The following DCDC1 variants were observed in gnomAD, a reference collection of about 807,000 sequenced individuals.
DCDC1 encodes the protein doublecortin domain-containing protein 1.
DCDC1 carries 200 observed loss-of-function variants against 178.3 expected under a neutral mutation model. The observed-to-expected ratio is 1.12, with a 90% CI of 1.00 to 1.26. The LOEUF is 1.26. Among genes scored for constraint, DCDC1 ranks in the 50% most tolerant of loss-of-function variants. The pLI, the probability that DCDC1 is intolerant of heterozygous loss-of-function variation, is 0.00. For synonymous variants in DCDC1, 690 were observed against 604.8 expected (o/e 1.14, Z -2.07); for missense variants, 1,983 against 1,749.2 (o/e 1.13, Z -2.38).
intron 13 of DCDC1, among the ~76,000 whole-genome samples, chr11:31,105,264 G>A (rs568678674): frequency 2.2e-4 from 34 of 151,850 alleles, no homozygotes; most frequent in African/African-American, 7.0e-4. Context: ...AAATTTCTCC[G>A]ACTACAATTC....
At chr11:31,281,096 C>T (rs536566243) in intron 7 of DCDC1, 62 of 390,106 alleles carry the variant, frequency 1.6e-4, no homozygotes, top group African/African-American at 1.1e-3. Context: ...ATTTCACTGA[C>T]CTTGTATCCT....
chr11:31,165,291 A>G (rs1007925846), intron 9 of DCDC1, among the ~76,000 whole-genome samples: 1 of 152,106 alleles, frequency 6.6e-6, no homozygotes, highest in South Asian at 2.1e-4. Context: ...CATTTCTCAT[A>G]TTATACATGA....
intron 9 of DCDC1, among the ~76,000 whole-genome samples, chr11:31,138,644 C>A (rs558161740): frequency 1.3e-5 from 2 of 152,222 alleles, no homozygotes; most frequent in South Asian, 4.1e-4. Context: ...GAATAACGAC[C>A]ATGTTTTTAC....
intron 1 of DCDC1, among the ~76,000 whole-genome samples, chr11:31,363,379 G>A (rs1257656710): frequency 3.9e-5 from 6 of 151,954 alleles, no homozygotes; most frequent in Admixed American, 3.9e-4. Flanking sequence ...TTATATTTTA[G>A]AAAAATATGC....
chr11:31,232,458 T>A (rs933718930), intron 9 of DCDC1, among the ~76,000 whole-genome samples: 1 of 152,142 alleles, frequency 6.6e-6, no homozygotes, highest in African/African-American at 2.4e-5. Flanking sequence ...AACGCCAATT[T>A]TTTCTTTAAT....
rs572674579 is a variant in DCDC1 at position 31,219,358 on chromosome 11, T to C, written c.1221+22092A>G. On this transcript the variant is annotated intron_variant, in intron 9 of 38. Coordinates refer to ENST00000684477, the MANE Select transcript of DCDC1 (RefSeq NM_001387274.1). The stretch of plus-strand genomic sequence containing the variant: ...CACTCTCACAATACTTCAACCTAGC[T>C]TGAGTATCAGAATCAACTCTAGAGC... Among the ~76,000 whole-genome samples, 8 of 152,234 alleles carry C rather than the reference T, an allele frequency of 5.3e-5. No homozygotes were observed. The South Asian group carries it at 1.7e-3, about 32-fold the overall frequency.
At chr11:30,912,390 T>C (rs1415370945) in intron 27 of DCDC1, among the ~76,000 whole-genome samples, 1 of 152,178 alleles carries the variant, frequency 6.6e-6, no homozygotes, top group Non-Finnish European at 1.5e-5. Flanking sequence ...TTCAAACGAT[T>C]CTTCTGCCTC....
chr11:31,308,049 T>C, intron 3 of DCDC1, 141 bp from the exon 4 acceptor site: 1 of 1,095,522 alleles, frequency 9.1e-7, no homozygotes, highest in Non-Finnish European at 1.3e-6. Flanking sequence ...ATGCCTACAA[T>C]ATTCCTGGGA....
In DCDC1 at chr11:31,241,383, G is replaced by T. The variant is rs149141406; in HGVS notation, c.1221+67C>A. ...CTTTTATGACACAAAGCCAATCATT[G>T]CCTCTATACAACCAAGTATATTTTT... On this transcript the variant is annotated intron_variant, in intron 9 of 38. Transcript: ENST00000684477. The T allele has an allele frequency of 1.0e-3, 412 of 393,132 alleles. 2 individuals are homozygous for T. The highest frequency in any genetic ancestry group is 6.9e-3 in the African/African-American group (335 of 48,510). The allele number at this position is 393,132 out of a possible 1,614,324, so 24.4% of individuals were successfully genotyped here. A position where few individuals can be genotyped will look rare whatever the true frequency, so the allele number is the denominator to read the frequency against.
chr11:31,045,414 C>A (rs1012660481), intron 20 of DCDC1, among the ~76,000 whole-genome samples: 1 of 151,050 alleles, frequency 6.6e-6, no homozygotes, highest in African/African-American at 2.4e-5. Context: ...TTTTAACTCG[C>A]CTTAGACTTA....
chr11:30,962,266 C>A (rs1366931827), intron 20 of DCDC1, among the ~76,000 whole-genome samples: 1 of 152,014 alleles, frequency 6.6e-6, no homozygotes, highest in Admixed American at 6.6e-5. Context: ...TTTGTACAAA[C>A]TAATAAATAC....
chr11:30,941,597 T>A (rs1189322231), intron 21 of DCDC1, among the ~76,000 whole-genome samples: 1 of 152,132 alleles, frequency 6.6e-6, no homozygotes. Context: ...CCAAAGCTAG[T>A]AATTTTCTAA....
At chr11:31,089,619 T>TG (rs1438507074) in intron 17 of DCDC1, among the ~76,000 whole-genome samples, 1 of 151,880 alleles carries the variant, frequency 6.6e-6, no homozygotes, top group Non-Finnish European at 1.5e-5. Context: ...GTTCTTTTTT[T>TG]TTTTTTTGAA....
intron 18 of DCDC1, among the ~76,000 whole-genome samples, chr11:31,068,007 T>A (rs1016745055): frequency 6.6e-6 from 1 of 152,166 alleles, no homozygotes; most frequent in South Asian, 2.1e-4. Flanking sequence ...AGGTGAATTA[T>A]ATGTTATGTG....
At position 30,925,348 on chromosome 11, in the gene DCDC1, C is replaced by T. The variant is rs777584925; in HGVS notation, c.2958G>A (p.Lys986=). The T allele has an allele frequency of 6.2e-6, 10 of 1,613,524 alleles. No homozygotes were observed. In the Admixed American group the frequency reaches 1.7e-4, roughly 27 times the overall value. ...GCAGGTCTTTTAAGGCAAATATTTC[C>T]TTCCCCTTTTCATTGTACAATCTCC... ...AARRLYNEKG[K]EIFALKDLQR... The change falls in exon 23 of 39, where the codon AAG becomes AAA. Residue 986 remains lysine, a synonymous_variant. Transcript: ENST00000684477.
In DCDC1 at chr11:31,290,754, T is replaced by C. The variant is rs1289764760; in HGVS notation, c.853A>G (p.Arg285Gly). 1.2e-6 allele frequency: 2 copies of C among 1,613,590 alleles called. No individual in the cohort carries two copies. The highest frequency in any genetic ancestry group is 1.3e-5 in the African/African-American group (1 of 75,048). Residue 285 changes from arginine to glycine, a missense_variant, in exon 7 of 39, where the codon AGA (arginine) becomes GGA (glycine). Coordinates refer to ENST00000684477, the MANE Select transcript of DCDC1 (RefSeq NM_001387274.1). The stretch of plus-strand genomic sequence containing the variant: ...GTCCTCTCAGTAAGTTTCTTCATTC[T>C]AATAGAAAGAACAGGCTTGGTTTTC... The part of the protein sequence containing the change: ...RRKTKPVLSI[R>G]MKKLTERTSV...
chr11:31,356,619 A>G, intron 1 of DCDC1, among the ~76,000 whole-genome samples: 2 of 149,552 alleles, frequency 1.3e-5, no homozygotes, highest in African/African-American at 2.5e-5. Flanking sequence ...AGACACAAAA[A>G]ACCCTTCAAA....
At chr11:31,177,173 G>A (rs1285937689) in intron 9 of DCDC1, among the ~76,000 whole-genome samples, 1 of 151,940 alleles carries the variant, frequency 6.6e-6, no homozygotes, top group Non-Finnish European at 1.5e-5. Flanking sequence ...GAGGAGGGGG[G>A]AGTCTAGAAT....
chr11:30,921,114 G>T (rs940944291), intron 24 of DCDC1, among the ~76,000 whole-genome samples, 179 bp from the exon 25 acceptor site: 6 of 152,106 alleles, frequency 3.9e-5, no homozygotes, highest in Non-Finnish European at 7.4e-5. Context: ...TTACTCTCAA[G>T]ATATTCTTAG....
Sources: gnomAD v4.1 joint callset for allele counts (sites outside exome capture counted in the v4.1 genomes callset) on GRCh38, gnomAD v4.1.1 for gene constraint, MANE v1.5 for transcripts, NCBI Gene and HGNC (gene_info 2026-07-23, HGNC 2026-07-21) for gene names.